PTPRD: variants seen among roughly 807,000 people sequenced by gnomAD.
PTPRD encodes receptor-type tyrosine-protein phosphatase delta.
PTPRD carries 34 observed loss-of-function variants against 214.5 expected under a neutral mutation model. The observed-to-expected ratio is 0.16, with a 90% CI of 0.12 to 0.21. The LOEUF (loss-of-function observed/expected upper bound fraction) is 0.21. Among genes scored for constraint, PTPRD ranks in the 10% least tolerant of loss-of-function variants. The pLI is 1.00. For synonymous variants in PTPRD, 1,128 were observed against 845.7 expected (o/e 1.33, Z -5.79); for missense variants, 2,545 against 2,398.7 (o/e 1.06, Z -1.27).
intron 35 of PTPRD, among the ~76,000 whole-genome samples, chr9:8,410,035 G>C (rs1034050975): frequency 6.6e-6 from 1 of 152,298 alleles, no homozygotes; most frequent in East Asian, 1.9e-4. Flanking sequence ...AGGTTTAGAA[G>C]AGCAATCTAC....
At chr9:8,516,071 G>T (rs2097776083) in intron 21 of PTPRD, among the ~76,000 whole-genome samples, 1 of 152,176 alleles carries the variant, frequency 6.6e-6, no homozygotes, top group Non-Finnish European at 1.5e-5. Flanking sequence ...AAAGTGGAAT[G>T]TAAGTTCCCA....
intron 11 of PTPRD, among the ~76,000 whole-genome samples, chr9:8,949,266 A>G (rs1261174124): frequency 6.6e-6 from 1 of 152,062 alleles, no homozygotes; most frequent in Non-Finnish European, 1.5e-5. Context: ...CTATCATGAA[A>G]TAAAACTAAT....
At chr9:10,117,644 A>G (rs2098741829) in intron 3 of PTPRD, among the ~76,000 whole-genome samples, 1 of 148,366 alleles carries the variant, frequency 6.7e-6, no homozygotes, top group African/African-American at 2.5e-5. Context: ...AATAGCAGTC[A>G]TTAGATTTAG....
intron 7 of PTPRD, among the ~76,000 whole-genome samples, chr9:9,718,404 T>C (rs1006845422): frequency 2.0e-5 from 3 of 152,246 alleles, no homozygotes; most frequent in Non-Finnish European, 4.4e-5. Context: ...GAGGTGCAGC[T>C]GGGGCTGTGT....
At chr9:8,646,680 G>C (rs1439359189) in intron 12 of PTPRD, among the ~76,000 whole-genome samples, 4 of 152,110 alleles carry the variant, frequency 2.6e-5, no homozygotes, top group East Asian at 3.9e-4. Context: ...CACGCTTTCT[G>C]TATCTTTTAT....
At chr9:10,533,883 A>T (rs1661214774) in intron 2 of PTPRD, among the ~76,000 whole-genome samples, 1 of 151,946 alleles carries the variant, frequency 6.6e-6, no homozygotes, top group Admixed American at 6.6e-5. Context: ...CAGAGCATAT[A>T]ACTAGTTTCA....
chr9:10,372,913 G>C (rs1337663373), intron 2 of PTPRD, among the ~76,000 whole-genome samples: 1 of 150,486 alleles, frequency 6.6e-6, no homozygotes, highest in Non-Finnish European at 1.5e-5. Context: ...GCAGTGGTGC[G>C]ATCTTGGCTT....
intron 7 of PTPRD, among the ~76,000 whole-genome samples, chr9:9,711,932 A>G (rs150371090): frequency 8.5e-5 from 13 of 152,314 alleles, no homozygotes; most frequent in African/African-American, 3.1e-4. Flanking sequence ...TCACTGGGAA[A>G]ATAAGCCAAC....
Position 8,408,749 on chromosome 9 carries a change from C to T in PTPRD, c.4087-4089G>A, listed in dbSNP as rs12338038. Among the ~76,000 whole-genome samples, 1,338 of 152,214 alleles carry T rather than the reference C, an allele frequency of 8.8e-3. 25 individuals are homozygous for T. Among genetic ancestry groups the T allele is most frequent in the African/African-American group, 0.031 (1,271 of 41,556 alleles). On this transcript the variant is annotated intron_variant, in intron 35 of 45. Coordinates refer to ENST00000381196, the MANE Select transcript of PTPRD (RefSeq NM_002839.4). ...ATTTTACATTGCTTCCCTGCCTGCACACTGGGCACTTGACTCCTCCTCCCC... is the reference window on the plus strand; with the variant it reads ...ATTTTACATTGCTTCCCTGCCTGCATACTGGGCACTTGACTCCTCCTCCCC...
rs1489313935 is a variant in PTPRD at position 9,989,308 on chromosome 9, C to T, written c.-472+44410G>A. 5.3e-5 allele frequency among the ~76,000 whole-genome samples: 8 copies of T among 152,074 alleles called. No homozygotes were observed. In the East Asian group the frequency reaches 7.7e-4, roughly 15 times the overall value. Reference sequence around the variant, plus strand: ...TTCCTGTTTTCCCACTTGAATGTTGCCTTTTCCAAAACCACCCTAGCCTTC... The same window carrying T: ...TTCCTGTTTTCCCACTTGAATGTTGTCTTTTCCAAAACCACCCTAGCCTTC... On this transcript the variant is annotated intron_variant, in intron 4 of 45. Transcript: ENST00000381196.
intron 14 of PTPRD, among the ~76,000 whole-genome samples, chr9:8,622,143 T>A (rs962465930): frequency 3.9e-5 from 6 of 151,900 alleles, no homozygotes; most frequent in Non-Finnish European, 8.8e-5. Flanking sequence ...AATAAAAAAC[T>A]CCTCTTACTA....
chr9:9,378,512 T>G (rs2061383430), intron 9 of PTPRD, among the ~76,000 whole-genome samples: 1 of 152,136 alleles, frequency 6.6e-6, no homozygotes, highest in South Asian at 2.1e-4. Context: ...TGAACATGTT[T>G]TCAACTCATT....
At chr9:9,142,234 G>T (rs149880367) in intron 10 of PTPRD, among the ~76,000 whole-genome samples, 1 of 152,158 alleles carries the variant, frequency 6.6e-6, no homozygotes, top group Non-Finnish European at 1.5e-5. Flanking sequence ...AGGTGTGCTG[G>T]CGCCATCTCC....
intron 5 of PTPRD, among the ~76,000 whole-genome samples, chr9:9,839,262 G>A (rs1387618329): frequency 6.6e-6 from 1 of 152,076 alleles, no homozygotes; most frequent in Non-Finnish European, 1.5e-5. Flanking sequence ...AAGTCAAATT[G>A]TCCCTGTTTG....
At chr9:8,436,278 A>G (rs1251422619) in intron 35 of PTPRD, among the ~76,000 whole-genome samples, 1 of 152,218 alleles carries the variant, frequency 6.6e-6, no homozygotes, top group Non-Finnish European at 1.5e-5. Flanking sequence ...AATGGTGACT[A>G]TAATTAATAA....
intron 5 of PTPRD, among the ~76,000 whole-genome samples, chr9:9,795,060 G>C (rs2153484199): frequency 6.6e-6 from 1 of 152,312 alleles, no homozygotes; most frequent in African/African-American, 2.4e-5. Flanking sequence ...AAGCCCCTGG[G>C]AGGAGCCCTT....
intron 9 of PTPRD, among the ~76,000 whole-genome samples, chr9:9,308,026 G>T (rs1957682135): frequency 6.6e-6 from 1 of 152,172 alleles, no homozygotes; most frequent in South Asian, 2.1e-4. Flanking sequence ...GAACTCTCTA[G>T]GTTTACTTTA....
intron 5 of PTPRD, among the ~76,000 whole-genome samples, chr9:9,850,069 A>C (rs1306104729): frequency 1.3e-5 from 2 of 152,130 alleles, no homozygotes; most frequent in African/African-American, 4.8e-5. Context: ...GATATTCCAA[A>C]TCAACAAACA....
Position 9,725,322 on chromosome 9 carries a change from T to A in PTPRD, c.-287+9211A>T, listed in dbSNP as rs1335867811. ...GAGTTTCCCTGCACAAGCTTTTTTT[T>A]TTTTTGCCTGCTGCCATCCATGTAA... On this transcript the variant is annotated intron_variant, in intron 7 of 45. Transcript: ENST00000381196. 2.0e-5 allele frequency among the ~76,000 whole-genome samples: 3 copies of A among 151,974 alleles called. No homozygotes were observed. The East Asian group carries it at 5.8e-4, about 29-fold the overall frequency.
Sources: gnomAD v4.1 joint callset for allele counts (sites outside exome capture counted in the v4.1 genomes callset) on GRCh38, gnomAD v4.1.1 for gene constraint, MANE v1.5 for transcripts, NCBI Gene and HGNC (gene_info 2026-07-23, HGNC 2026-07-21) for gene names.